MAP3K13: variants seen among roughly 807,000 people sequenced by gnomAD.
MAP3K13 encodes leucine zipper-bearing kinase.
In MAP3K13, 52 loss-of-function variants were observed where a neutral mutation model predicts 104.0. The ratio of observed to expected loss-of-function variants is 0.50; its 90% CI spans 0.40 to 0.63. The LOEUF (loss-of-function observed/expected upper bound fraction) is 0.63, where lower values mean the gene tolerates loss of function less well. MAP3K13 is among the 20% of genes least tolerant of loss of function. MAP3K13 has a pLI of 0.00. For missense variants in MAP3K13, 914 were observed against 1,218.5 expected, an observed-to-expected ratio of 0.75 and a Z score of 3.72; for synonymous variants, 394 against 442.2, an observed-to-expected ratio of 0.89 and a Z score of 1.37.
rs188863823 is a variant in MAP3K13, at chr3:185,288,141, T to G, written c.-86+2498T>G. On this transcript the variant is annotated intron_variant, in intron 2 of 14. Transcript: ENST00000424227. ...GTGAGTGGGATGCCTAGATTAAGAC[T>G]CCTTATTCTTGCTAAGTGAATGGAT... Among the ~76,000 whole-genome samples the G allele has an allele frequency of 7.0e-4, 106 of 152,300 alleles. 1 individual carries two copies. The highest frequency in any genetic ancestry group is 2.5e-3 in the African/African-American group (102 of 41,564).
intron 1 of MAP3K13, among the ~76,000 whole-genome samples, chr3:185,389,919 G>A (rs957168104): frequency 1.3e-5 from 2 of 152,046 alleles, no homozygotes; most frequent in Admixed American, 6.6e-5. Flanking sequence ...TGAGGAGAGT[G>A]GTATTGTGAA....
At chr3:185,356,923 C>T (rs969130946) in intron 2 of MAP3K13, among the ~76,000 whole-genome samples, 8 of 151,868 alleles carry the variant, frequency 5.3e-5, no homozygotes, top group East Asian at 1.9e-4. Flanking sequence ...TGTATTGAGA[C>T]GGAGTCTCGC....
intron 1 of MAP3K13, among the ~76,000 whole-genome samples, chr3:185,424,865 C>A (rs970955144): frequency 1.3e-5 from 2 of 152,068 alleles, no homozygotes; most frequent in African/African-American, 4.8e-5. Context: ...TGCTCTGTTG[C>A]CCAGCCTGGA....
At chr3:185,440,504 G>C (rs1715265774) in intron 3 of MAP3K13, among the ~76,000 whole-genome samples, 2 of 151,876 alleles carry the variant, frequency 1.3e-5, no homozygotes, top group Admixed American at 1.3e-4. Context: ...CAGACACTTG[G>C]GTTCACCAAG....
intron 2 of MAP3K13, among the ~76,000 whole-genome samples, chr3:185,355,970 A>G (rs1337529694): frequency 6.6e-6 from 1 of 152,242 alleles, no homozygotes; most frequent in Non-Finnish European, 1.5e-5. Flanking sequence ...ATTTAAGTGA[A>G]CATTTAAGTA....
intron 2 of MAP3K13, among the ~76,000 whole-genome samples, chr3:185,353,969 A>T (rs951467512): frequency 2.0e-5 from 3 of 152,138 alleles, no homozygotes; most frequent in African/African-American, 7.2e-5. Flanking sequence ...AGAGGGTGGC[A>T]GTGCAGACTG....
intron 1 of MAP3K13, among the ~76,000 whole-genome samples, chr3:185,403,921 C>T (rs1324186064): frequency 6.6e-6 from 1 of 152,078 alleles, no homozygotes; most frequent in Non-Finnish European, 1.5e-5. Flanking sequence ...TTGCTTTTTT[C>T]CCCCTCCTTC....
At chr3:185,358,149 A>C (rs993648865), upstream of MAP3K13, among the ~76,000 whole-genome samples, 3 of 152,244 alleles carry the variant, frequency 2.0e-5, no homozygotes, top group Admixed American at 6.5e-5. Context: ...AGAGAAAGCA[A>C]GTATGCATGT....
chr3:185,339,771 G>A (rs962595558), intron 2 of MAP3K13, among the ~76,000 whole-genome samples: 26 of 152,216 alleles, frequency 1.7e-4, no homozygotes, highest in African/African-American at 5.8e-4. Flanking sequence ...GATTTGGCCC[G>A]TGGGCTATAG....
At chr3:185,321,600 ATGTT>A (rs376652301) in intron 2 of MAP3K13, among the ~76,000 whole-genome samples, 67 of 151,468 alleles carry the variant, frequency 4.4e-4, no homozygotes, top group Admixed American at 1.2e-3. Flanking sequence ...GAGTTTTTTG[ATGTT>A]TGTTTGTTTG....
intron 1 of MAP3K13, among the ~76,000 whole-genome samples, chr3:185,370,187 A>T (rs780340055): frequency 5.3e-5 from 8 of 152,050 alleles, no homozygotes; most frequent in Non-Finnish European, 1.0e-4. Flanking sequence ...ATTCTTTCAT[A>T]GTATTTTTTG....
rs555294358 is a variant in MAP3K13, at chr3:185,454,953, G to C, written c.1278+3558G>C. 9.5e-4 allele frequency among the ~76,000 whole-genome samples: 78 copies of C among 81,984 alleles called. 1 individual carries two copies. Among genetic ancestry groups the C allele is most frequent in the African/African-American group, 3.7e-3 (78 of 20,992 alleles). The allele number at this position is 81,984 out of a possible 152,430, so 53.8% of individuals were successfully genotyped here. A position where few individuals can be genotyped will look rare whatever the true frequency, so the allele number is the denominator to read the frequency against. On this transcript the variant is annotated intron_variant, in intron 7 of 13. Transcript: ENST00000265026. ...TATGATATATATATGAGATATATAT[G>C]ATATATATATGAGATATATATATGA...
chr3:185,336,957 A>G (rs1339012471), intron 2 of MAP3K13, among the ~76,000 whole-genome samples: 2 of 152,176 alleles, frequency 1.3e-5, no homozygotes, highest in Non-Finnish European at 2.9e-5. Flanking sequence ...AAATGGGATA[A>G]TAATATCTCA....
In MAP3K13 at chr3:185,483,300, A is replaced by G. The variant is rs1042418104; in HGVS notation, c.*844A>G. 4 of 232,186 alleles carry G rather than the reference A, an allele frequency of 1.7e-5. No individual in the cohort carries two copies. The highest frequency in any genetic ancestry group is 8.8e-5 in the African/African-American group (4 of 45,286). 14.4% of individuals were successfully genotyped at this position (232,186 alleles called of 1,614,324 possible). On this transcript the variant is annotated 3_prime_UTR_variant, in exon 14 of 14. Coordinates refer to ENST00000265026, the MANE Select transcript of MAP3K13 (RefSeq NM_004721.5). ...GTCCCTTTTTAGTGCTGTCACTGTC[A>G]TTACCTTGGCAAATGTGCTACCTTG...
At chr3:185,455,423 G>GATAT (rs199840990) in intron 7 of MAP3K13, among the ~76,000 whole-genome samples, 2 of 40,838 alleles carry the variant, frequency 4.9e-5, no homozygotes, top group Admixed American at 3.4e-4. Context: ...AGATATATAT[G>GATAT]ATATATATGA....
At chr3:185,409,093 C>T (rs903645732) in intron 1 of MAP3K13, among the ~76,000 whole-genome samples, 1 of 152,204 alleles carries the variant, frequency 6.6e-6, no homozygotes. Flanking sequence ...GGAGGCCAGG[C>T]CTGGTGGCTC....
Position 185,473,387 on chromosome 3 carries a change from C to T in MAP3K13, c.2056C>T (p.His686Tyr), listed in dbSNP as rs747444701. ...AGCCCTGCGGAGCCCACTCAGCAACCATGCTCAGAGACAGCTGCCCGGCTC... is the reference window on the plus strand; with the variant it reads ...AGCCCTGCGGAGCCCACTCAGCAACTATGCTCAGAGACAGCTGCCCGGCTC... The part of the protein sequence containing the change: ...AAALRSPLSN[H>Y]AQRQLPGSSP... The change falls in exon 11 of 14, where the codon CAT (histidine) becomes TAT (tyrosine). Residue 686 changes from histidine to tyrosine, a missense_variant. This residue lies in a region of MAP3K13 where 583 missense variants were observed against 737.4 expected (regional missense o/e 0.79). Transcript: ENST00000265026. This position sits in a 1 kb window ranked among gnomAD's most constrained non-coding sequence, Gnocchi z 4.9. 10 of 1,614,120 alleles carry T rather than the reference C, an allele frequency of 6.2e-6. No individual in the cohort carries two copies. In the African/African-American group the frequency reaches 1.1e-4, roughly 17 times the overall value.
intron 7 of MAP3K13, among the ~76,000 whole-genome samples, chr3:185,454,898 T>TATATATATGATATATATATGAG (rs1716309947): frequency 2.3e-5 from 2 of 85,722 alleles, no homozygotes; most frequent in South Asian, 3.2e-4. Context: ...ATATATGAGA[T>TATATATATGATATATATATGAG]ATATATATGA....
rs373657844 is a variant in MAP3K13, at chr3:185,423,571, G to A, written c.-85-4926G>A. On this transcript the variant is annotated intron_variant, in intron 1 of 13. Transcript: ENST00000265026. The surrounding 1 kb of genome is among the most constrained non-coding windows in gnomAD (Gnocchi z 4.1). ...GGCTGGAGTGGGTGGAATGGTGTCT[G>A]TAACAAAGGGCTCCAGTTTTTCTTC... 9.2e-5 allele frequency among the ~76,000 whole-genome samples: 14 copies of A among 152,160 alleles called. No homozygotes were observed. Among genetic ancestry groups the A allele is most frequent in the Admixed American group, 8.5e-4 (13 of 15,266 alleles).
Sources: allele counts gnomAD v4.1 joint callset (sites outside exome capture counted in the v4.1 genomes callset), GRCh38; gene constraint gnomAD v4.1.1; regional missense constraint gnomAD v4.1.1; non-coding constraint Gnocchi (gnomAD v3.1); transcripts MANE v1.5; gene names NCBI Gene and HGNC (gene_info 2026-07-23, HGNC 2026-07-21).